ESR2: variants seen among roughly 807,000 people sequenced by gnomAD.
ESR2 encodes the protein estrogen receptor beta.
ESR2 carries 36 observed loss-of-function variants against 49.6 expected under a neutral mutation model. The observed-to-expected ratio is 0.73, with a 90% CI of 0.56 to 0.96. The LOEUF (loss-of-function observed/expected upper bound fraction) is 0.96. Among genes scored for constraint, ESR2 ranks in the 40% least tolerant of loss-of-function variants. ESR2 has a pLI of 0.00. For missense variants in ESR2, 714 were observed against 693.0 expected (o/e 1.03, Z -0.34); for synonymous variants, 320 against 266.1 (o/e 1.20, Z -1.97).
chr14:64,248,203 A>C (rs1019458610), intron 7 of ESR2, among the ~76,000 whole-genome samples: 1 of 151,834 alleles, frequency 6.6e-6, no homozygotes, highest in Non-Finnish European at 1.5e-5. Flanking sequence ...CAAAAAGAAA[A>C]GTGAAAAAAC....
intron 6 of ESR2, among the ~76,000 whole-genome samples, chr14:64,253,560 T>TTGTGTGTGTGTG (rs752711685): frequency 3.3e-3 from 455 of 136,624 alleles, no homozygotes; most frequent in Admixed American, 6.3e-3. Flanking sequence ...GGTACACTAT[T>TTGTGTGTGTGTG]TGTGTGTGTG....
chr14:64,309,768 G>A (rs943999562), intron 1 of ESR2, among the ~76,000 whole-genome samples: 3 of 152,028 alleles, frequency 2.0e-5, no homozygotes, highest in Non-Finnish European at 2.9e-5. Context: ...CCAGGAGTTC[G>A]AGGACAGCTT....
chr14:64,246,877 G>C (rs935643438), intron 7 of ESR2, among the ~76,000 whole-genome samples: 8 of 151,960 alleles, frequency 5.3e-5, no homozygotes, highest in African/African-American at 1.9e-4. Context: ...AGGGAAGGGT[G>C]TGTTGGGTGC....
At chr14:64,295,166 A>G (rs1467766858), upstream of ESR2, among the ~76,000 whole-genome samples, 1 of 150,794 alleles carries the variant, frequency 6.6e-6, no homozygotes, top group Non-Finnish European at 1.5e-5. Flanking sequence ...AATGAAAAGG[A>G]AAGTAGCATG....
At chr14:64,240,147 G>A (rs1018395312) in intron 7 of ESR2, among the ~76,000 whole-genome samples, 2 of 152,164 alleles carry the variant, frequency 1.3e-5, no homozygotes, top group African/African-American at 2.4e-5. Flanking sequence ...GACAAACCGC[G>A]ACCTGGCCAG....
rs1250413675 is a variant in ESR2 at position 64,282,977 on chromosome 14, T to C, written c.9A>G (p.Ile3Met). 1 of 1,611,944 alleles carries C rather than the reference T, an allele frequency of 6.2e-7. No homozygotes were observed. The highest frequency in any genetic ancestry group is 1.7e-5 in the Admixed American group (1 of 59,900). ...AATTAAGGCTAGATGGTGAGTTTTT[T>C]ATATCCATGTCTTGAGATAACAGCT... MD[I>M]KNSPSSLNSP... Residue 3 changes from isoleucine to methionine, a missense_variant, in exon 2 of 9, where the codon ATA becomes ATG. Transcript: ENST00000341099.
chr14:64,313,012 C>T (rs145989439), intron 1 of ESR2, among the ~76,000 whole-genome samples: 67 of 152,096 alleles, frequency 4.4e-4, no homozygotes, highest in Non-Finnish European at 7.5e-4. Context: ...AGAAACTCTT[C>T]AAATAAAAAT....
intron 1 of ESR2, among the ~76,000 whole-genome samples, chr14:64,285,531 T>C (rs1210235184): frequency 6.6e-6 from 1 of 152,048 alleles, no homozygotes; most frequent in African/African-American, 2.4e-5. Flanking sequence ...TTCAAAATGA[T>C]AGAGGTGCAT....
intron 3 of ESR2, among the ~76,000 whole-genome samples, chr14:64,279,139 G>A (rs1019421727): frequency 2.0e-5 from 3 of 152,198 alleles, no homozygotes; most frequent in Admixed American, 1.3e-4. Flanking sequence ...TGAACTGCCT[G>A]TGACTTGGAA....
intron 7 of ESR2, among the ~76,000 whole-genome samples, chr14:64,248,436 T>C (rs1026583380): frequency 1.4e-5 from 2 of 139,482 alleles, no homozygotes; most frequent in Non-Finnish European, 3.0e-5. Context: ...TTGAGCTCAG[T>C]ACTAGGTTAC....
chr14:64,255,176 T>A (rs1012105959), intron 6 of ESR2, among the ~76,000 whole-genome samples: 3 of 152,058 alleles, frequency 2.0e-5, no homozygotes, highest in Non-Finnish European at 2.9e-5. Context: ...AAATTTGGCA[T>A]CAATTTAGAA....
At chr14:64,260,412 A>G (rs761761430) in intron 5 of ESR2, 37 bp downstream of exon 5, 66 of 1,519,960 alleles carry the variant, frequency 4.3e-5, no homozygotes, top group Non-Finnish European at 5.1e-5. Context: ...CGGCCTTTCT[A>G]CAAGTACATG....
At chr14:64,234,496 A>C (rs1451357957) in intron 8 of ESR2, 1 of 169,248 alleles carries the variant, frequency 5.9e-6, no homozygotes, top group Admixed American at 6.0e-5. Context: ...ACTTCTCTTA[A>C]GTCTTATCCT....
intron 3 of ESR2, among the ~76,000 whole-genome samples, chr14:64,276,818 ATT>A (rs2076566959): frequency 6.6e-6 from 1 of 152,216 alleles, no homozygotes; most frequent in Non-Finnish European, 1.5e-5. Flanking sequence ...ATACGACAAT[ATT>A]AAGTGAAAAA....
In ESR2 at chr14:64,230,913, T is replaced by G. The variant is rs1214761711; in HGVS notation, c.*2224A>C. 2 of 146,618 alleles carry G rather than the reference T, an allele frequency of 1.4e-5. No individual in the cohort carries two copies. The highest frequency in any genetic ancestry group is 5.0e-5 in the African/African-American group (2 of 39,986). 9.1% of individuals were successfully genotyped at this position (146,618 alleles called of 1,614,324 possible). ...TTTCGTGGCAATTTTTTTTTTTTTT[T>G]TTTTGAGACAGGGTCTCCCTCTGTC... is the stretch of plus-strand genomic sequence containing the variant. On this transcript the variant is annotated 3_prime_UTR_variant, in exon 9 of 9. Transcript: ENST00000341099.
At chr14:64,338,401 G>GC (rs1386817766), upstream of ESR2, 1 of 154,990 alleles carries the variant, frequency 6.5e-6, no homozygotes, top group Admixed American at 6.5e-5. Context: ...ACGCGGAGGG[G>GC]CCCGACCCCA....
At chr14:64,227,664 G>C, downstream of ESR2, 1 of 1,613,292 alleles carries the variant, frequency 6.2e-7, no homozygotes, top group South Asian at 1.1e-5. Flanking sequence ...AGGAAGTGTG[G>C]TCTGCATTTC....
chr14:64,327,657 C>T (rs2077406561), intron 1 of ESR2, among the ~76,000 whole-genome samples: 1 of 152,040 alleles, frequency 6.6e-6, no homozygotes, highest in African/African-American at 2.4e-5. Context: ...GATAATGCCA[C>T]ACACTCCAGC....
chr14:64,332,471 G>T (rs1238548909), intron 1 of ESR2, among the ~76,000 whole-genome samples: 1 of 152,118 alleles, frequency 6.6e-6, no homozygotes, highest in Non-Finnish European at 1.5e-5. Flanking sequence ...TATTATAAGA[G>T]GATACATTAA....
Sources: allele counts gnomAD v4.1 joint callset (sites outside exome capture counted in the v4.1 genomes callset), GRCh38; gene constraint gnomAD v4.1.1; transcripts MANE v1.5; gene names NCBI Gene and HGNC (gene_info 2026-07-23, HGNC 2026-07-21).